Variants in MYO16 observed in about 807,000 individuals in gnomAD.
MYO16 encodes the protein unconventional myosin-XVI.
Under a neutral mutation model 205.3 loss-of-function variants are expected in MYO16, and 94 were observed. The ratio of observed to expected loss-of-function variants is 0.46; its 90% CI spans 0.39 to 0.54. The LOEUF is 0.54. Ranked by LOEUF, MYO16 falls within the 20% of genes least tolerant of loss-of-function variation. MYO16 has a pLI of 0.00. For synonymous variants in MYO16, 988 were observed against 954.0 expected, an observed-to-expected ratio of 1.04 and a Z score of -0.66; for missense variants, 2,315 against 2,387.5, an observed-to-expected ratio of 0.97 and a Z score of 0.63.
At chr13:108,653,163 C>T (rs1406542206) in intron 1 of MYO16, among the ~76,000 whole-genome samples, 5 of 152,132 alleles carry the variant, frequency 3.3e-5, no homozygotes, top group African/African-American at 7.2e-5. Flanking sequence ...TCTTTATATG[C>T]TTGTTGGGAA....
At chr13:108,599,963 A>T (rs1309716386) in intron 1 of MYO16, among the ~76,000 whole-genome samples, 2 of 152,186 alleles carry the variant, frequency 1.3e-5, no homozygotes, top group Non-Finnish European at 2.9e-5. Context: ...CTTCAATTCC[A>T]CGTCCAGTAA....
At chr13:108,874,685 T>TTCTTCA (rs1555307949) in intron 12 of MYO16, among the ~76,000 whole-genome samples, 131 of 126,064 alleles carry the variant, frequency 1.0e-3, no homozygotes, top group African/African-American at 3.3e-3. Flanking sequence ...GGCAGACAGT[T>TTCTTCA]TCATCATCAT....
rs144567908 is a variant in MYO16 at position 108,869,080 on chromosome 13, A to C, written c.1425+2838A>C. Among the ~76,000 whole-genome samples, 60 of 152,276 alleles carry C rather than the reference A, an allele frequency of 3.9e-4. No homozygotes were observed. The East Asian group carries it at 0.011, about 27-fold the overall frequency. ...TTAAGTCATCCACCTTTGGTCTTCA[A>C]ATTTGCCCTAGCAATTAATTACTGG... On this transcript the variant is annotated intron_variant, in intron 12 of 34. Transcript: ENST00000457511.
At position 108,686,562 on chromosome 13, in the gene MYO16, C is replaced by T. The variant is rs113766751; in HGVS notation, c.292+20413C>T. On this transcript the variant is annotated intron_variant, in intron 2 of 34. Transcript: ENST00000457511. The stretch of plus-strand genomic sequence containing the variant: ...GCCAGGGGATATGGAGGTGATCACA[C>T]GTCAGCTCTGAATACTCTGATTCAG... Among the ~76,000 whole-genome samples, 618 of 152,234 alleles carry T rather than the reference C, an allele frequency of 4.1e-3. 3 individuals are homozygous for T. Among genetic ancestry groups the T allele is most frequent in the African/African-American group, 0.014 (599 of 41,542 alleles).
intron 21 of MYO16, among the ~76,000 whole-genome samples, chr13:109,007,143 C>T (rs1885413933): frequency 6.6e-6 from 1 of 152,168 alleles, no homozygotes; most frequent in African/African-American, 2.4e-5. Flanking sequence ...AATCCCAGCA[C>T]TTTGGGAGGC....
chr13:108,860,517 T>C (rs1255658772), intron 11 of MYO16, among the ~76,000 whole-genome samples: 2 of 152,202 alleles, frequency 1.3e-5, no homozygotes, highest in African/African-American at 4.8e-5. Context: ...ATTCTTTGGG[T>C]ATATACCCGG....
chr13:108,571,641 G>A, the MYO16 span, among the ~76,000 whole-genome samples: 35,171 of 151,982 alleles, frequency 0.23, 4,379 homozygotes, highest in East Asian at 0.4. Context: ...AGGTCTTGTG[G>A]GTTCTCTGGC....
intron 2 of MYO16, among the ~76,000 whole-genome samples, chr13:108,673,179 A>G (rs550264259): frequency 6.6e-6 from 1 of 152,302 alleles, no homozygotes; most frequent in South Asian, 2.1e-4. Context: ...TTTATGTGGT[A>G]TAGTTAGAGA....
chr13:108,752,189 G>A (rs1885258095), intron 4 of MYO16, among the ~76,000 whole-genome samples: 1 of 152,006 alleles, frequency 6.6e-6, no homozygotes, highest in Non-Finnish European at 1.5e-5. Context: ...TTAAATGTGG[G>A]TTTTCCAACA....
At chr13:109,174,497 C>A (rs371462089) in intron 33 of MYO16, among the ~76,000 whole-genome samples, 63 of 152,142 alleles carry the variant, frequency 4.1e-4, no homozygotes, top group African/African-American at 1.4e-3. Flanking sequence ...TGGAGACATA[C>A]AATAGGTGCT....
the MYO16 span, among the ~76,000 whole-genome samples, chr13:108,573,071 G>C: frequency 0.033 from 5,000 of 152,250 alleles, 248 homozygotes; most frequent in African/African-American, 0.11. Context: ...ATGCCTCCTC[G>C]CTTCTCTGGC....
Position 109,203,108 on chromosome 13 carries a change from C to T in MYO16, c.5416-3501C>T, listed in dbSNP as rs1001974142. ...TTATAAAAATTCTAAAAGATCACATCAGAAAAACTGTTCTAGACATTAGCT... is the reference window on the plus strand; with the variant it reads ...TTATAAAAATTCTAAAAGATCACATTAGAAAAACTGTTCTAGACATTAGCT... On this transcript the variant is annotated intron_variant, in intron 34 of 34. Coordinates refer to ENST00000457511, the MANE Select transcript of MYO16 (RefSeq NM_001198950.3). Among the ~76,000 whole-genome samples the T allele has an allele frequency of 2.6e-5, 4 of 152,272 alleles. No individual in the cohort carries two copies. In the East Asian group the frequency reaches 5.8e-4, roughly 22 times the overall value.
Position 108,909,913 on chromosome 13 carries a change from G to T in MYO16, c.1778-90G>T, listed in dbSNP as rs182921188. 5.5e-5 allele frequency: 74 copies of T among 1,335,634 alleles called. 1 individual carries two copies. In the African/African-American group the frequency reaches 9.5e-4, roughly 17 times the overall value. 82.7% of individuals were successfully genotyped at this position (1,335,634 alleles called of 1,614,324 possible). On this transcript the variant is annotated intron_variant, in intron 15 of 34. Coordinates refer to ENST00000457511, the MANE Select transcript of MYO16 (RefSeq NM_001198950.3). ...GGAAAGGGAGAACTCAACAGTCCTTGTATCTCTTGTAATTAATTAATATGT... is the reference window on the plus strand; with the variant it reads ...GGAAAGGGAGAACTCAACAGTCCTTTTATCTCTTGTAATTAATTAATATGT...
intron 27 of MYO16, among the ~76,000 whole-genome samples, chr13:109,078,071 C>A (rs1034049090): frequency 6.6e-6 from 1 of 152,026 alleles, no homozygotes; most frequent in African/African-American, 2.4e-5. Context: ...CAATTCAATG[C>A]ATTTTTTGGT....
chr13:108,944,053 C>G (rs1435809812), intron 16 of MYO16, among the ~76,000 whole-genome samples: 2 of 152,140 alleles, frequency 1.3e-5, no homozygotes, highest in African/African-American at 4.8e-5. Context: ...CCAAATAATC[C>G]GAACACAGCA....
intron 32 of MYO16, among the ~76,000 whole-genome samples, chr13:109,142,681 T>G (rs1006213285): frequency 1.3e-5 from 2 of 152,070 alleles, no homozygotes; most frequent in Non-Finnish European, 2.9e-5. Context: ...TTGCAACCAA[T>G]CAGATGTTTG....
intron 16 of MYO16, among the ~76,000 whole-genome samples, chr13:108,913,198 A>T (rs762962238): frequency 2.6e-5 from 4 of 152,160 alleles, no homozygotes; most frequent in Non-Finnish European, 5.9e-5. Context: ...ATAAGTATCT[A>T]ATGGGTGCAA....
chr13:108,544,168 T>C, the MYO16 span, among the ~76,000 whole-genome samples: 1 of 152,036 alleles, frequency 6.6e-6, no homozygotes, highest in Non-Finnish European at 1.5e-5. Flanking sequence ...TAAGCTCTCA[T>C]GTATTAATAT....
chr13:109,174,011 T>C (rs1024903783), intron 33 of MYO16, among the ~76,000 whole-genome samples: 4 of 144,528 alleles, frequency 2.8e-5, no homozygotes, highest in Non-Finnish European at 6.0e-5. Flanking sequence ...GGGTGAACAA[T>C]AGAATTGGAA....
Sources: allele counts gnomAD v4.1 joint callset (sites outside exome capture counted in the v4.1 genomes callset), GRCh38; gene constraint gnomAD v4.1.1; transcripts MANE v1.5; gene names NCBI Gene and HGNC (gene_info 2026-07-23, HGNC 2026-07-21).